The following CDH13 variants were observed in gnomAD, a reference collection of about 807,000 sequenced individuals.
CDH13 encodes cadherin 13, also known as cadherin-13.
Under a neutral mutation model 63.8 loss-of-function variants are expected in CDH13, and 24 were observed. That is an observed-to-expected ratio of 0.38 (90% CI 0.27 to 0.53). The LOEUF (loss-of-function observed/expected upper bound fraction) is 0.53. Among genes scored for constraint, CDH13 ranks in the 20% least tolerant of loss-of-function variants. The pLI, the probability that CDH13 is intolerant of heterozygous loss-of-function variation, is 0.85. For synonymous variants in CDH13, 503 were observed against 355.3 expected, an observed-to-expected ratio of 1.42 and a Z score of -4.67; for missense variants, 1,049 against 903.1, an observed-to-expected ratio of 1.16 and a Z score of -2.07.
rs761994409 is a variant in CDH13, at chr16:82,681,636, G to A, written c.45+54499G>A. 6.3e-4 allele frequency among the ~76,000 whole-genome samples: 96 copies of A among 152,304 alleles called. 1 individual carries two copies. Among genetic ancestry groups the A allele is most frequent in the Non-Finnish European group, 8.8e-4 (60 of 68,018 alleles). ...TAACCTGGCGGGAGTGGTAGCGGAT[G>A]CTCCTGGTGCCCCCGTTGCATTCCC... On this transcript the variant is annotated intron_variant, in intron 1 of 13. Transcript: ENST00000567109.
intron 1 of CDH13, among the ~76,000 whole-genome samples, chr16:82,841,441 G>T (rs552693730): frequency 2.0e-5 from 3 of 152,300 alleles, no homozygotes; most frequent in Middle Eastern, 6.8e-3. Flanking sequence ...TGATTATCCT[G>T]TAGTTTAGCA....
At chr16:82,770,313 A>C (rs1399509504) in intron 1 of CDH13, among the ~76,000 whole-genome samples, 1 of 152,250 alleles carries the variant, frequency 6.6e-6, no homozygotes, top group Non-Finnish European at 1.5e-5. Context: ...AATTCTGTTT[A>C]TTATAAAAGT....
At chr16:82,742,947 T>C (rs961647509) in intron 1 of CDH13, among the ~76,000 whole-genome samples, 23 of 152,214 alleles carry the variant, frequency 1.5e-4, no homozygotes, top group African/African-American at 5.3e-4. Flanking sequence ...AATGTAATTT[T>C]AAGTGCATAA....
At chr16:83,342,996 T>TA (rs541244800) in intron 5 of CDH13, among the ~76,000 whole-genome samples, 18 of 151,650 alleles carry the variant, frequency 1.2e-4, no homozygotes, top group Admixed American at 3.3e-4. Context: ...CATAATAGCT[T>TA]AAAAAAAACA....
intron 4 of CDH13, among the ~76,000 whole-genome samples, chr16:83,198,184 A>G (rs932682006): frequency 2.0e-5 from 3 of 152,162 alleles, no homozygotes; most frequent in African/African-American, 7.2e-5. Context: ...GAGGAAAAAA[A>G]GCAAACCTGG....
At position 83,226,201 on chromosome 16, in the gene CDH13, T is replaced by C. The variant is rs2039832150; in HGVS notation, c.636+8704T>C. Among the ~76,000 whole-genome samples the C allele has an allele frequency of 1.3e-5, 2 of 152,192 alleles. 1 individual carries two copies. The highest frequency in any genetic ancestry group is 4.1e-4 in the South Asian group (2 of 4,830). On this transcript the variant is annotated intron_variant, in intron 5 of 13. Coordinates refer to ENST00000567109, the MANE Select transcript of CDH13 (RefSeq NM_001257.5). ...TCGTATTTCCAAGCACTTCATTTTA[T>C]TACAACCCGGCCTTATCTGTCAGGT...
At chr16:83,534,007 T>C (rs1820243560) in intron 7 of CDH13, among the ~76,000 whole-genome samples, 1 of 152,208 alleles carries the variant, frequency 6.6e-6, no homozygotes, top group South Asian at 2.1e-4. Context: ...ATTAACCATT[T>C]TAAAGTGAAC....
At chr16:82,984,787 T>C (rs999811210) in intron 2 of CDH13, among the ~76,000 whole-genome samples, 4 of 152,178 alleles carry the variant, frequency 2.6e-5, no homozygotes, top group Admixed American at 1.3e-4. Context: ...GATAGTATGC[T>C]TTATACACAC....
chr16:83,439,094 T>C (rs901642996), intron 6 of CDH13, among the ~76,000 whole-genome samples: 3 of 152,240 alleles, frequency 2.0e-5, no homozygotes, highest in Non-Finnish European at 4.4e-5. Context: ...CCAATAGCTA[T>C]GTGATCTTGG....
intron 1 of CDH13, among the ~76,000 whole-genome samples, chr16:82,668,087 A>T (rs1912815882): frequency 6.6e-6 from 1 of 152,070 alleles, no homozygotes; most frequent in African/African-American, 2.4e-5. Flanking sequence ...ATGATGTAGG[A>T]TGGCTATACC....
intron 3 of CDH13, among the ~76,000 whole-genome samples, chr16:83,063,987 T>C (rs2031796119): frequency 1.3e-5 from 2 of 152,126 alleles, no homozygotes; most frequent in Admixed American, 6.5e-5. Context: ...ATTTGTAAGA[T>C]GTCCAAGCGG....
At chr16:83,403,325 A>G (rs546168241) in intron 6 of CDH13, among the ~76,000 whole-genome samples, 2 of 152,266 alleles carry the variant, frequency 1.3e-5, no homozygotes, top group East Asian at 3.9e-4. Context: ...TGGAGGAAAT[A>G]GAGGATATGT....
At chr16:82,960,711 T>C (rs979582847) in intron 2 of CDH13, among the ~76,000 whole-genome samples, 3 of 152,178 alleles carry the variant, frequency 2.0e-5, no homozygotes, top group African/African-American at 4.8e-5. Context: ...CCAAGTCTTA[T>C]AGAGGCTCAT....
Position 83,483,894 on chromosome 16 carries a change from A to G in CDH13, c.782-2583A>G, listed in dbSNP as rs192472458. On this transcript the variant is annotated intron_variant, in intron 6 of 13. Coordinates refer to ENST00000567109, the MANE Select transcript of CDH13 (RefSeq NM_001257.5). ...ATAACACTAATTCTGTAGCATGTCA[A>G]TGGGAGACAGAGTCATGCTGTTCCT... is the stretch of plus-strand genomic sequence containing the variant. 1.7e-3 allele frequency among the ~76,000 whole-genome samples: 262 copies of G among 152,300 alleles called. 3 individuals are homozygous for G. The highest frequency in any genetic ancestry group is 6.0e-3 in the African/African-American group (249 of 41,560).
chr16:83,458,553 C>CA (rs1191977503), intron 6 of CDH13, among the ~76,000 whole-genome samples: 3 of 152,188 alleles, frequency 2.0e-5, no homozygotes, highest in Non-Finnish European at 4.4e-5. Context: ...CCCCCCACTA[C>CA]AAAAAATCTT....
At chr16:82,833,113 A>C (rs1258840932) in intron 1 of CDH13, among the ~76,000 whole-genome samples, 15 of 152,224 alleles carry the variant, frequency 9.9e-5, no homozygotes. Flanking sequence ...AGGAGAGCCA[A>C]TGTGAGAGAC....
chr16:82,852,092 C>T (rs1162941796), intron 1 of CDH13, among the ~76,000 whole-genome samples: 3 of 152,166 alleles, frequency 2.0e-5, no homozygotes, highest in African/African-American at 7.2e-5. Context: ...GGGATGGAAC[C>T]TGAGAGTGTT....
chr16:83,362,333 T>G (rs1413122720), intron 6 of CDH13, among the ~76,000 whole-genome samples: 1 of 152,222 alleles, frequency 6.6e-6, no homozygotes, highest in African/African-American at 2.4e-5. Flanking sequence ...TGAGCTGTAA[T>G]GAAAGACAGC....
chr16:83,727,118 C>T (rs1311291938), intron 10 of CDH13, among the ~76,000 whole-genome samples: 1 of 152,054 alleles, frequency 6.6e-6, no homozygotes, highest in Non-Finnish European at 1.5e-5. Context: ...TCACCGCCCT[C>T]GATTTTAGAA....
Sources: gnomAD v4.1 joint callset for allele counts (sites outside exome capture counted in the v4.1 genomes callset) on GRCh38, gnomAD v4.1.1 for gene constraint, MANE v1.5 for transcripts, NCBI Gene and HGNC (gene_info 2026-07-23, HGNC 2026-07-21) for gene names.